Variants in TES observed in about 807,000 individuals in gnomAD.
TES encodes the protein testin LIM domain protein, also known as testin.
Under a neutral mutation model 48.2 loss-of-function variants are expected in TES, and 41 were observed. The ratio of observed to expected loss-of-function variants is 0.85; its 90% CI spans 0.66 to 1.10. The LOEUF (loss-of-function observed/expected upper bound fraction) is 1.10. Ranked by LOEUF, TES falls within the 50% of genes least tolerant of loss-of-function variation. TES has a pLI of 0.00. For synonymous variants in TES, 162 were observed against 174.9 expected (o/e 0.93, Z 0.58); for missense variants, 463 against 515.1 (o/e 0.90, Z 0.98).
intron 1 of TES, among the ~76,000 whole-genome samples, chr7:116,232,635 C>G (rs1363903594): frequency 1.7e-4 from 26 of 152,094 alleles, no homozygotes. Context: ...TACACAAGAC[C>G]AGAAAAGTTT....
Position 116,252,872 on chromosome 7 carries a change from C to A in TES, c.1077+396C>A, listed in dbSNP as rs147796357. 3.1e-3 allele frequency: 593 copies of A among 189,934 alleles called. 2 individuals are homozygous for A. Among genetic ancestry groups the A allele is most frequent in the African/African-American group, 0.013 (553 of 42,644 alleles). The allele number at this position is 189,934 out of a possible 1,614,324, so 11.8% of individuals were successfully genotyped here. On this transcript the variant is annotated intron_variant, in intron 6 of 6. Transcript: ENST00000358204. ...GCTTTCTGTTTGTGTTATTGGACCA[C>A]CCACTGGAATTTTGTTTTTGCTACC... is the stretch of plus-strand genomic sequence containing the variant.
intron 1 of TES, among the ~76,000 whole-genome samples, chr7:116,232,859 A>G (rs1799719134): frequency 6.6e-6 from 1 of 152,222 alleles, no homozygotes; most frequent in African/African-American, 2.4e-5. Context: ...TTCTTTAGAG[A>G]GTATACTTTA....
At position 116,246,732 on chromosome 7, in the gene TES, C is replaced by T. The variant is rs558012025; in HGVS notation, c.114-2288C>T. On this transcript the variant is annotated intron_variant, in intron 2 of 6. Coordinates refer to ENST00000358204, the MANE Select transcript of TES (RefSeq NM_015641.4). ...ACACACCCACATACACAGTTTACAC[C>T]TATGTTTCATACATCGTCCAGATCT... Among the ~76,000 whole-genome samples the T allele has an allele frequency of 3.3e-5, 5 of 152,238 alleles. No homozygotes were observed. The East Asian group carries it at 9.7e-4, about 29-fold the overall frequency.
intron 1 of TES, among the ~76,000 whole-genome samples, chr7:116,218,310 A>T (rs914899716): frequency 0.14 from 17 of 124 alleles, no homozygotes; most frequent in South Asian, 0.5. Flanking sequence ...AGCAGAAAAG[A>T]TGGCATTCAG....
intron 1 of TES, chr7:116,211,310 A>G (rs1450588884): frequency 6.6e-6 from 1 of 152,096 alleles, no homozygotes; most frequent in Non-Finnish European, 1.5e-5. Flanking sequence ...TTACTTGTCT[A>G]CCGACCGAGG....
chr7:116,254,503 A>G (rs1422634561), intron 6 of TES, among the ~76,000 whole-genome samples: 1 of 152,140 alleles, frequency 6.6e-6, no homozygotes, highest in Non-Finnish European at 1.5e-5. Flanking sequence ...TGGGAGGCCA[A>G]GGTGGGCGAA....
intron 6 of TES, among the ~76,000 whole-genome samples, chr7:116,254,752 A>ATG (rs1399314066): frequency 4.8e-5 from 4 of 83,670 alleles, no homozygotes; most frequent in Non-Finnish European, 7.6e-5. Context: ...AAAAAAATAT[A>ATG]TATATATGTG....
At chr7:116,223,463 A>G (rs1799581871) in intron 1 of TES, among the ~76,000 whole-genome samples, 1 of 152,198 alleles carries the variant, frequency 6.6e-6, no homozygotes, top group Admixed American at 6.5e-5. Context: ...GTGGCATAAT[A>G]TAAACATTGC....
intron 1 of TES, among the ~76,000 whole-genome samples, chr7:116,212,698 C>T (rs1332768867): frequency 3.9e-5 from 6 of 152,116 alleles, no homozygotes; most frequent in Non-Finnish European, 8.8e-5. Flanking sequence ...AAAATCCAGA[C>T]GTTGTTTATA....
intron 1 of TES, among the ~76,000 whole-genome samples, chr7:116,214,463 C>G (rs573971778): frequency 6.6e-6 from 1 of 152,132 alleles, no homozygotes; most frequent in Non-Finnish European, 1.5e-5. Flanking sequence ...ATTGGCAAGA[C>G]TAAGGGTAAA....
chr7:116,247,250 TA>T (rs1430640437), intron 2 of TES, among the ~76,000 whole-genome samples: 2 of 152,070 alleles, frequency 1.3e-5, no homozygotes, highest in African/African-American at 4.8e-5. Flanking sequence ...AATCTAGGAT[TA>T]TAATCTTTGA....
At chr7:116,248,365 A>G (rs1476479339) in intron 2 of TES, among the ~76,000 whole-genome samples, 3 of 152,166 alleles carry the variant, frequency 2.0e-5, no homozygotes, top group South Asian at 2.1e-4. Flanking sequence ...TCTTTGAGAA[A>G]TCTCCAAACT....
rs576133126 is a variant in TES at position 116,224,538 on chromosome 7, ATTC to A, written c.28-9993_28-9991del. On this transcript the variant is annotated intron_variant, in intron 1 of 6. Coordinates refer to ENST00000358204, the MANE Select transcript of TES (RefSeq NM_015641.4). The stretch of plus-strand genomic sequence containing the variant: ...ATTTGTTCATTTGTATTTCTTGCTC[ATTC>A]TTTTAATTTTTTTTTTCTCTTGCTG... 9.9e-5 allele frequency among the ~76,000 whole-genome samples: 15 copies of A among 152,048 alleles called. No homozygotes were observed. The South Asian group carries it at 3.1e-3, about 32-fold the overall frequency.
chr7:116,211,514 G>A (rs1457218681), intron 1 of TES: 3 of 152,256 alleles, frequency 2.0e-5, no homozygotes, highest in African/African-American at 7.2e-5. Context: ...TGTCGCCTGG[G>A]AGAAAAGGGT....
At chr7:116,243,084 C>T (rs1239161286) in intron 2 of TES, among the ~76,000 whole-genome samples, 1 of 152,008 alleles carries the variant, frequency 6.6e-6, no homozygotes, top group East Asian at 1.9e-4. Flanking sequence ...TTACTTCAGG[C>T]TTATTATGCC....
chr7:116,250,653 AGGGTC>A, intron 4 of TES, among the ~76,000 whole-genome samples, 157 bp downstream of exon 4: 1 of 152,350 alleles, frequency 6.6e-6, no homozygotes, highest in Non-Finnish European at 1.5e-5. Context: ...CTTCCCACAG[AGGGTC>A]ATCGTGTTTG....
chr7:116,224,342 A>T (rs73719139), intron 1 of TES, among the ~76,000 whole-genome samples: 1 of 152,118 alleles, frequency 6.6e-6, no homozygotes, highest in African/African-American at 2.4e-5. Context: ...GAGGTGTTCC[A>T]TTATGAATCT....
At chr7:116,242,610 T>A (rs750974847) in intron 2 of TES, among the ~76,000 whole-genome samples, 3 of 152,100 alleles carry the variant, frequency 2.0e-5, no homozygotes, top group Non-Finnish European at 4.4e-5. Context: ...TTTAAGAAAA[T>A]TCAGAATACA....
At chr7:116,234,260 ATGAG>A (rs1464831368) in intron 1 of TES, among the ~76,000 whole-genome samples, 1 of 152,068 alleles carries the variant, frequency 6.6e-6, no homozygotes, top group South Asian at 2.1e-4. Context: ...ACATAAATTC[ATGAG>A]TTTTTGTTAT....
Sources: allele counts gnomAD v4.1 joint callset (sites outside exome capture counted in the v4.1 genomes callset), GRCh38; gene constraint gnomAD v4.1.1; transcripts MANE v1.5; gene names NCBI Gene and HGNC (gene_info 2026-07-23, HGNC 2026-07-21).